The following LASP1 variants were observed in gnomAD, a reference collection of about 807,000 sequenced individuals.
LASP1 encodes LIM and SH3 protein 1.
A neutral mutation model predicts 38.6 loss-of-function variants in LASP1; 10 were observed. That is an observed-to-expected ratio of 0.26 (90% confidence interval 0.16 to 0.44). The LOEUF (loss-of-function observed/expected upper bound fraction) is 0.44. Among genes scored for constraint, LASP1 ranks in the 20% least tolerant of loss-of-function variants. The pLI is 1.00. For synonymous variants in LASP1, 132 were observed against 140.8 expected (o/e 0.94, Z 0.44); for missense variants, 243 against 375.7 (o/e 0.65, Z 2.92).
chr17:38,873,077 C>T (rs1913656726), intron 1 of LASP1, among the ~76,000 whole-genome samples: 1 of 152,114 alleles, frequency 6.6e-6, no homozygotes, highest in Admixed American at 6.6e-5. Context: ...ATCTAGGGAG[C>T]TGTGTTGTCA....
chr17:38,870,331 C>G, intron 1 of LASP1, 73 bp downstream of exon 1: 1 of 1,530,156 alleles, frequency 6.5e-7, no homozygotes, highest in Non-Finnish European at 9.0e-7. Context: ...AGAGAAGGGC[C>G]GGGTCTTTGC....
At position 38,915,047 on chromosome 17, in the gene LASP1, C is replaced by T. The variant is rs777786369; in HGVS notation, c.513C>T (p.Tyr171=). The change falls in exon 6 of 7, where the codon TAC becomes TAT. Residue 171 remains tyrosine (Y), a synonymous_variant. Coordinates refer to ENST00000318008, the MANE Select transcript of LASP1 (RefSeq NM_006148.4). ...PHHIPTSAPV[Y]QQPQQQPVAQ... ...CTGTCTCCTCCCATCTTCCAGTTTACCAGCAGCCCCAGCAGCAGCCGGTGG... is the reference window on the plus strand; with the variant it reads ...CTGTCTCCTCCCATCTTCCAGTTTATCAGCAGCCCCAGCAGCAGCCGGTGG... 2 of 1,613,882 alleles carry T rather than the reference C, an allele frequency of 1.2e-6. No homozygotes were observed. Among genetic ancestry groups the T allele is most frequent in the East Asian group, 4.5e-5 (2 of 44,878 alleles).
intron 4 of LASP1, among the ~76,000 whole-genome samples, chr17:38,903,272 C>T (rs2143801098): frequency 6.6e-6 from 1 of 152,276 alleles, no homozygotes; most frequent in East Asian, 1.9e-4. Context: ...GCCTCAGTTT[C>T]CTCATTTGTA....
chr17:38,904,082 T>C (rs551579871), intron 4 of LASP1: 4 of 152,328 alleles, frequency 2.6e-5, no homozygotes, highest in African/African-American at 9.6e-5. Flanking sequence ...GTGTGAAATA[T>C]GACACATAGT....
rs1598126093 is a variant in LASP1 at position 38,919,875 on chromosome 17, AGTGT to A, written c.*1099_*1102del. On this transcript the variant is annotated 3_prime_UTR_variant, in exon 7 of 7. Transcript: ENST00000318008. ...CAGGTGTCTGACACGCAAGTGTGTG[AGTGT>A]GAGTGTGAGAGATGGGGCGGGGGTG... 6 of 480,260 alleles carry A rather than the reference AGTGT, an allele frequency of 1.2e-5. No homozygotes were observed. Among genetic ancestry groups the A allele is most frequent in the Admixed American group, 5.1e-5 (2 of 39,558 alleles). 29.7% of individuals were successfully genotyped at this position (480,260 alleles called of 1,614,324 possible).
intron 4 of LASP1, among the ~76,000 whole-genome samples, chr17:38,908,779 G>A (rs1914843420): frequency 6.6e-6 from 1 of 152,246 alleles, no homozygotes; most frequent in South Asian, 2.1e-4. Flanking sequence ...AGCAGGAGCA[G>A]CAACCATGCA....
At chr17:38,888,508 C>A in intron 2 of LASP1, among the ~76,000 whole-genome samples, 1 of 152,156 alleles carries the variant, frequency 6.6e-6, no homozygotes, top group East Asian at 1.9e-4. Flanking sequence ...GAACTCCTGG[C>A]CTCAAGTGAT....
chr17:38,889,648 G>T (rs1914248455), intron 2 of LASP1, among the ~76,000 whole-genome samples: 1 of 152,166 alleles, frequency 6.6e-6, no homozygotes, highest in Non-Finnish European at 1.5e-5. Flanking sequence ...CAGGCCATGT[G>T]TATGAGGTAT....
At chr17:38,871,507 G>C (rs1913609075) in intron 1 of LASP1, among the ~76,000 whole-genome samples, 1 of 151,998 alleles carries the variant, frequency 6.6e-6, no homozygotes, top group East Asian at 1.9e-4. Flanking sequence ...GAGGTGCAAG[G>C]GTGGGAACAC....
intron 3 of LASP1, among the ~76,000 whole-genome samples, chr17:38,891,419 A>G (rs1296583854): frequency 1.3e-5 from 2 of 151,680 alleles, no homozygotes; most frequent in Non-Finnish European, 2.9e-5. Context: ...GGGAGAACCG[A>G]CCCTGCCTTT....
chr17:38,880,093 C>T (rs1913898666), intron 2 of LASP1, among the ~76,000 whole-genome samples: 1 of 152,212 alleles, frequency 6.6e-6, no homozygotes, highest in African/African-American at 2.4e-5. Context: ...CTGCCACTTC[C>T]TCCCTCCATT....
At chr17:38,897,151 A>G (rs1914512177) in intron 3 of LASP1, 1 of 885,378 alleles carries the variant, frequency 1.1e-6, no homozygotes. Flanking sequence ...CAGCACATCC[A>G]AGCCCTTCTT....
chr17:38,898,837 C>T (rs1332192424), intron 4 of LASP1: 1 of 459,792 alleles, frequency 2.2e-6, no homozygotes, highest in South Asian at 1.6e-5. Context: ...GACTGCATGT[C>T]TCATCTTAGC....
chr17:38,920,846 C>T lies in LASP1; in HGVS notation c.*2068C>T, dbSNP rs1276399416. On this transcript the variant is annotated 3_prime_UTR_variant, in exon 7 of 7. Coordinates refer to ENST00000318008, the MANE Select transcript of LASP1 (RefSeq NM_006148.4). The stretch of plus-strand genomic sequence containing the variant: ...GGGTGGCGCTGGTGCATTCTGTTTC[C>T]TCTTGATCTCAAAGCACAATGTGGA... The T allele has an allele frequency of 4.3e-6, 1 of 232,482 alleles. No homozygotes were observed. The highest frequency in any genetic ancestry group is 8.5e-6 in the Non-Finnish European group (1 of 117,424). 14.4% of individuals were successfully genotyped at this position (232,482 alleles called of 1,614,324 possible).
intron 1 of LASP1, among the ~76,000 whole-genome samples, chr17:38,872,313 C>A (rs778089736): frequency 1.6e-4 from 25 of 152,164 alleles, no homozygotes; most frequent in Admixed American, 6.5e-4. Context: ...CTTGGAAAGA[C>A]CTTCAGTGCC....
intron 1 of LASP1, among the ~76,000 whole-genome samples, chr17:38,874,383 A>T (rs1006497017): frequency 1.3e-5 from 2 of 152,142 alleles, no homozygotes; most frequent in Admixed American, 1.3e-4. Context: ...CATTGAGACA[A>T]GGCAGGAGTT....
At chr17:38,904,655 A>T (rs919203214) in intron 4 of LASP1, 4 of 152,296 alleles carry the variant, frequency 2.6e-5, no homozygotes, top group Admixed American at 1.3e-4. Flanking sequence ...AGAAATGGTT[A>T]AGGGCCTACC....
At chr17:38,895,298 T>G (rs191732252) in intron 3 of LASP1, among the ~76,000 whole-genome samples, 3 of 151,662 alleles carry the variant, frequency 2.0e-5, no homozygotes, top group Non-Finnish European at 4.4e-5. Context: ...ACATGAGCCA[T>G]TTTGTTTTTT....
chr17:38,872,023 A>C (rs1913624590), intron 1 of LASP1, among the ~76,000 whole-genome samples: 1 of 152,078 alleles, frequency 6.6e-6, no homozygotes, highest in Non-Finnish European at 1.5e-5. Flanking sequence ...AATTGGGAAG[A>C]GGCAGTGGGC....
Sources: gnomAD v4.1 joint callset for allele counts (sites outside exome capture counted in the v4.1 genomes callset) on GRCh38, gnomAD v4.1.1 for gene constraint, MANE v1.5 for transcripts, NCBI Gene and HGNC (gene_info 2026-07-23, HGNC 2026-07-21) for gene names.